The following CAMK1D variants were observed in gnomAD, a reference collection of about 807,000 sequenced individuals.
CAMK1D encodes the protein calcium/calmodulin-dependent protein kinase type 1D.
A neutral mutation model predicts 47.7 loss-of-function variants in CAMK1D; 9 were observed. The ratio of observed to expected loss-of-function variants is 0.19; its 90% CI spans 0.11 to 0.33. CAMK1D has a LOEUF of 0.33. Among genes scored for constraint, CAMK1D ranks in the 10% least tolerant of loss-of-function variants. The pLI, the probability that CAMK1D is intolerant of heterozygous loss-of-function variation, is 1.00. For synonymous variants in CAMK1D, 184 were observed against 184.9 expected, an observed-to-expected ratio of 0.99 and a Z score of 0.04; for missense variants, 291 against 488.7, an observed-to-expected ratio of 0.60 and a Z score of 3.81.
chr10:12,655,444 C>T (rs1472051136), intron 2 of CAMK1D, among the ~76,000 whole-genome samples: 1 of 152,214 alleles, frequency 6.6e-6, no homozygotes, highest in African/African-American at 2.4e-5. Context: ...TCACTGGTAA[C>T]TTCTCATGGA....
At chr10:12,800,139 T>G (rs948428465) in intron 6 of CAMK1D, among the ~76,000 whole-genome samples, 2 of 152,200 alleles carry the variant, frequency 1.3e-5, no homozygotes, top group African/African-American at 4.8e-5. Context: ...GCCTGCTCTC[T>G]TCTAAGTTTG....
In CAMK1D at chr10:12,834,719, G is replaced by T. The variant is rs1833478455; in HGVS notation, c.*5832G>T. 6.6e-6 allele frequency: 1 copy of T among 151,966 alleles called. No individual in the cohort carries two copies. The highest frequency in any genetic ancestry group is 2.4e-5 in the African/African-American group (1 of 41,366). The allele number at this position is 151,966 out of a possible 1,614,324, so 9.4% of individuals were successfully genotyped here. ...GGAAAAAAGAAAATGAGGAGGAGTT[G>T]GTTTTACTCTTAGAGATAAGACTTC... On this transcript the variant is annotated 3_prime_UTR_variant, in exon 11 of 11. Transcript: ENST00000619168.
intron 2 of CAMK1D, among the ~76,000 whole-genome samples, chr10:12,595,268 G>A (rs1838108965): frequency 7.1e-6 from 1 of 140,464 alleles, no homozygotes; most frequent in Non-Finnish European, 1.5e-5. Context: ...CTTGCACCTG[G>A]GAGGTGGAGG....
chr10:12,573,386 T>C (rs1837387129), intron 2 of CAMK1D, among the ~76,000 whole-genome samples: 1 of 127,030 alleles, frequency 7.9e-6, no homozygotes. Flanking sequence ...CTTACACTGG[T>C]GGGTTACCGC....
intron 2 of CAMK1D, among the ~76,000 whole-genome samples, chr10:12,611,588 C>CTTTTTTTTTTTTTTTTT (rs71386105): frequency 0.049 from 2,958 of 59,906 alleles, 791 homozygotes; most frequent in Non-Finnish European, 0.076. Context: ...TTCAGAATGC[C>CTTTTTTTTTTTTTTTTT]TTTTTTTTTT....
intron 1 of CAMK1D, among the ~76,000 whole-genome samples, chr10:12,460,944 C>T (rs1288316928): frequency 6.6e-6 from 1 of 152,188 alleles, no homozygotes; most frequent in Non-Finnish European, 1.5e-5. Context: ...GATCTGTCCT[C>T]TTAGAATCTC....
intron 1 of CAMK1D, among the ~76,000 whole-genome samples, chr10:12,372,559 G>A (rs1343445200): frequency 6.6e-6 from 1 of 152,218 alleles, no homozygotes; most frequent in East Asian, 1.9e-4. Context: ...GCAGCAGGTG[G>A]TAGGTGATGT....
intron 1 of CAMK1D, among the ~76,000 whole-genome samples, chr10:12,382,749 C>T (rs372412629): frequency 1.3e-5 from 2 of 152,198 alleles, no homozygotes; most frequent in East Asian, 1.9e-4. Context: ...CTTTTGAACT[C>T]GGGAGGCGGA....
At chr10:12,741,193 G>T (rs146891326) in intron 3 of CAMK1D, among the ~76,000 whole-genome samples, 3 of 152,316 alleles carry the variant, frequency 2.0e-5, no homozygotes, top group African/African-American at 7.2e-5. Context: ...AATTCAAACG[G>T]GGGTACAGAG....
At chr10:12,824,611 C>A in intron 9 of CAMK1D, 59 bp downstream of exon 9, 2 of 1,323,020 alleles carry the variant, frequency 1.5e-6, no homozygotes, top group Non-Finnish European at 2.2e-6. Flanking sequence ...ACTGGCCCTC[C>A]AATCTGAGCA....
In CAMK1D at chr10:12,387,418, T is replaced by TTATATATTA. The variant is rs1401960842; in HGVS notation, c.92+37516_92+37517insATATATATT. ...TATATTTTTATATATTATATATATT[T>TTATATATTA]TATATATTTTATATATTATATATAT... On this transcript the variant is annotated intron_variant, in intron 1 of 10. Transcript: ENST00000619168. Among the ~76,000 whole-genome samples, 7 of 37,980 alleles carry TTATATATTA rather than the reference T, an allele frequency of 1.8e-4. 1 individual carries two copies. Among genetic ancestry groups the TTATATATTA allele is most frequent in the South Asian group, 1.5e-3 (2 of 1,358 alleles). 24.9% of individuals were successfully genotyped at this position (37,980 alleles called of 152,430 possible). A position where few individuals can be genotyped will look rare whatever the true frequency, so the allele number is the denominator to read the frequency against.
intron 2 of CAMK1D, among the ~76,000 whole-genome samples, chr10:12,636,035 T>C (rs1311847618): frequency 2.0e-5 from 3 of 152,204 alleles, no homozygotes; most frequent in African/African-American, 7.2e-5. Flanking sequence ...TTTTCTTTTG[T>C]ATTGTGGCAA....
intron 1 of CAMK1D, among the ~76,000 whole-genome samples, chr10:12,394,726 A>T (rs1838877710): frequency 6.6e-6 from 1 of 152,162 alleles, no homozygotes; most frequent in African/African-American, 2.4e-5. Flanking sequence ...CAGGTTAGAA[A>T]GGGGGGTAAA....
chr10:12,418,063 C>T (rs1459831743), intron 1 of CAMK1D, among the ~76,000 whole-genome samples: 1 of 152,212 alleles, frequency 6.6e-6, no homozygotes, highest in Non-Finnish European at 1.5e-5. Flanking sequence ...GCCTTGGCCT[C>T]CCAAAGTGCT....
At chr10:12,443,849 C>T (rs900554203) in intron 1 of CAMK1D, among the ~76,000 whole-genome samples, 11 of 152,094 alleles carry the variant, frequency 7.2e-5, no homozygotes, top group African/African-American at 2.2e-4. Flanking sequence ...AGGATGGTCT[C>T]GAACTTTTGA....
rs1833482339 is a variant in CAMK1D at position 12,834,991 on chromosome 10, A to G, written c.*6104A>G. On this transcript the variant is annotated 3_prime_UTR_variant, in exon 11 of 11. Transcript: ENST00000619168. ...CGGGGCACTTGGCCCTATCAGAGGG[A>G]CATGAAATGCTGTCCGAATGGTGGC... 1 of 152,230 alleles carries G rather than the reference A, an allele frequency of 6.6e-6. No homozygotes were observed. The highest frequency in any genetic ancestry group is 2.1e-4 in the South Asian group (1 of 4,830). 9.4% of individuals were successfully genotyped at this position (152,230 alleles called of 1,614,324 possible).
chr10:12,463,858 A>G lies in CAMK1D; in HGVS notation c.93-89367A>G, dbSNP rs115000483. ...TCCCCATGCTGTTCTCGTGATAGTGAGTTCTCACTAGATCTGATGGTTGTA... is the reference window on the plus strand; with the variant it reads ...TCCCCATGCTGTTCTCGTGATAGTGGGTTCTCACTAGATCTGATGGTTGTA... On this transcript the variant is annotated intron_variant, in intron 1 of 10. Transcript: ENST00000619168. Among the ~76,000 whole-genome samples the G allele has an allele frequency of 1.8e-3, 268 of 152,144 alleles. 3 individuals are homozygous for G. The highest frequency in any genetic ancestry group is 6.1e-3 in the African/African-American group (254 of 41,502).
At chr10:12,395,307 A>G (rs1838903740) in intron 1 of CAMK1D, among the ~76,000 whole-genome samples, 1 of 151,732 alleles carries the variant, frequency 6.6e-6, no homozygotes, top group Admixed American at 6.6e-5. Context: ...CTTGACCTGC[A>G]GCCCCCGCCT....
intron 1 of CAMK1D, among the ~76,000 whole-genome samples, chr10:12,529,359 G>A (rs1448741494): frequency 3.9e-5 from 6 of 152,144 alleles, no homozygotes; most frequent in Non-Finnish European, 8.8e-5. Context: ...TACTGAGGAC[G>A]TCTTACCTGT....
Sources: allele counts gnomAD v4.1 joint callset (sites outside exome capture counted in the v4.1 genomes callset), GRCh38; gene constraint gnomAD v4.1.1; transcripts MANE v1.5; gene names NCBI Gene and HGNC (gene_info 2026-07-23, HGNC 2026-07-21).